Variants in SEPTIN8 observed in about 807,000 individuals in gnomAD.
SEPTIN8 encodes the protein septin-8.
Under a neutral mutation model 53.1 loss-of-function variants are expected in SEPTIN8, and 22 were observed. The ratio of observed to expected loss-of-function variants is 0.41; its 90% CI spans 0.30 to 0.59. SEPTIN8 has a LOEUF of 0.59. Ranked by LOEUF, SEPTIN8 falls within the 20% of genes least tolerant of loss-of-function variation. The pLI, the probability that SEPTIN8 is intolerant of heterozygous loss-of-function variation, is 0.24. For missense variants in SEPTIN8, 536 were observed against 638.7 expected (o/e 0.84, Z 1.73); for synonymous variants, 228 against 248.4 (o/e 0.92, Z 0.77).
chr5:132,775,754 T>C (rs1386702388), intron 1 of SEPTIN8: 1 of 152,352 alleles, frequency 6.6e-6, no homozygotes, highest in East Asian at 1.9e-4. Flanking sequence ...GGCCTCCAGC[T>C]AATCAGCAGG....
At chr5:132,762,712 C>T in intron 4 of SEPTIN8, 67 bp from the exon 5 acceptor site, 1 of 1,540,402 alleles carries the variant, frequency 6.5e-7, no homozygotes, top group Non-Finnish European at 9.0e-7. Flanking sequence ...CCATGCCATG[C>T]CCAGGATATG....
At chr5:132,777,496 C>T (rs183733882), upstream of SEPTIN8, 185 of 967,736 alleles carry the variant, frequency 1.9e-4, no homozygotes, top group African/African-American at 2.9e-3. The surrounding 1 kb of genome is among the most constrained non-coding windows in gnomAD (Gnocchi z 4.1). Context: ...GGCTGGTGCC[C>T]GGCGGGCCTC....
At chr5:132,777,312 C>CCCCCGCCCGCGGGACCGGCCT, upstream of SEPTIN8, 1 of 1,081,090 alleles carries the variant, frequency 9.2e-7, no homozygotes, top group South Asian at 4.5e-5. The surrounding 1 kb of genome is among the most constrained non-coding windows in gnomAD (Gnocchi z 4.1). Context: ...GCCGCCCCTG[C>CCCCCGCCCGCGGGACCGGCCT]CCCCGCCCGC....
upstream of SEPTIN8, chr5:132,777,788 C>T (rs1190776915): frequency 1.8e-5 from 18 of 985,330 alleles, no homozygotes; most frequent in Non-Finnish European, 2.0e-5. The surrounding 1 kb of genome is among the most constrained non-coding windows in gnomAD (Gnocchi z 4.1). Context: ...AAGGCGGGAA[C>T]CCCGGCGGGA....
At chr5:132,756,285 C>G (rs1434878582) in intron 9 of SEPTIN8, 1 of 985,096 alleles carries the variant, frequency 1.0e-6, no homozygotes, top group Non-Finnish European at 1.2e-6. Flanking sequence ...GAACATATTT[C>G]CACATCGGCC....
chr5:132,772,880 G>GC (rs1006222847), intron 1 of SEPTIN8, among the ~76,000 whole-genome samples: 1 of 152,168 alleles, frequency 6.6e-6, no homozygotes, highest in Non-Finnish European at 1.5e-5. Context: ...AAGCCCTGGA[G>GC]CCCCCTCAGA....
At chr5:132,758,476 G>A (rs775788652) in intron 9 of SEPTIN8, 14 of 1,609,710 alleles carry the variant, frequency 8.7e-6, no homozygotes, top group Admixed American at 1.7e-5. Context: ...CTAGCATCCC[G>A]GCTGGGGCCT....
chr5:132,765,615 C>T (rs981590377), intron 1 of SEPTIN8, 86 bp from the exon 2 acceptor site: 2 of 1,444,222 alleles, frequency 1.4e-6, no homozygotes, highest in Admixed American at 2.3e-5. Flanking sequence ...TGAGTTAAAA[C>T]AGTGAAGCAG....
Position 132,763,762 on chromosome 5 carries a change from T to C in SEPTIN8, c.478A>G (p.Thr160Ala). ...IHVCLYFITP[T>A]GHSLKSLDLV... ...TCTAGAGACTTCAGGGAGTGCCCTGTGGGCGTGATGAAGTAGAGGCAAACG... is the reference window on the plus strand; with the variant it reads ...TCTAGAGACTTCAGGGAGTGCCCTGCGGGCGTGATGAAGTAGAGGCAAACG... Residue 160 changes from threonine (T) to alanine (A), a missense_variant, in exon 4 of 10, where the codon ACA becomes GCA. Thr to Ala is a moderately conservative substitution (Grantham distance 58, BLOSUM62 0). Transcript: ENST00000378719. 1.2e-6 allele frequency: 2 copies of C among 1,614,166 alleles called. No homozygotes were observed. Among genetic ancestry groups the C allele is most frequent in the Non-Finnish European group, 1.7e-6 (2 of 1,180,000 alleles).
At chr5:132,769,982 CATATATATATATAT>C (rs1164726534) in intron 1 of SEPTIN8, among the ~76,000 whole-genome samples, 82 of 55,342 alleles carry the variant, frequency 1.5e-3, no homozygotes, top group East Asian at 0.013. Context: ...TCTATATATA[CATATATATATATAT>C]ATATATATAT....
intron 1 of SEPTIN8, among the ~76,000 whole-genome samples, chr5:132,770,570 T>C (rs1394865569): frequency 1.3e-5 from 2 of 152,142 alleles, no homozygotes; most frequent in African/African-American, 4.8e-5. Context: ...CAATACAACA[T>C]GTCAGGGGGC....
At chr5:132,770,123 ATG>A (rs1554115615) in intron 1 of SEPTIN8, among the ~76,000 whole-genome samples, 13 of 90,818 alleles carry the variant, frequency 1.4e-4, no homozygotes, top group Admixed American at 3.4e-4. Flanking sequence ...ATATATATAT[ATG>A]TATATATGTG....
In SEPTIN8 at chr5:132,776,440, AGCCCAAATAAAC is replaced by A. The variant is rs1181575200; in HGVS notation, c.30+656_30+667del. Among the ~76,000 whole-genome samples the A allele has an allele frequency of 1.3e-5, 2 of 152,192 alleles. No individual in the cohort carries two copies. Among genetic ancestry groups the A allele is most frequent in the Non-Finnish European group, 2.9e-5 (2 of 68,036 alleles). ...TCAACCTTCTGAGGACCTGGACTGG[AGCCCAAATAAAC>A]GCCCACTGGGCTGAGTCTGGAATCC... On this transcript the variant is annotated intron_variant, in intron 1 of 9. Coordinates refer to ENST00000378719, the MANE Select transcript of SEPTIN8 (RefSeq NM_001098811.2). This position sits in a 1 kb window ranked among gnomAD's most constrained non-coding sequence, Gnocchi z 4.4.
Position 132,751,826 on chromosome 5 carries a change from C to A in SEPTIN8, c.*190G>T, listed in dbSNP as rs1754867521. 3.8e-6 allele frequency: 4 copies of A among 1,040,140 alleles called. No individual in the cohort carries two copies. Among genetic ancestry groups the A allele is most frequent in the Non-Finnish European group, 5.5e-6 (4 of 724,508 alleles). 64.4% of individuals were successfully genotyped at this position (1,040,140 alleles called of 1,614,324 possible). On this transcript the variant is annotated 3_prime_UTR_variant, in exon 10 of 10. Coordinates refer to ENST00000378719, the MANE Select transcript of SEPTIN8 (RefSeq NM_001098811.2). Reference sequence around the variant, plus strand: ...TGGGCATTAAGCCTCAAGCCCCTTACGGAGCCATGGATAGGAATGAAAAGG... The same window carrying A: ...TGGGCATTAAGCCTCAAGCCCCTTAAGGAGCCATGGATAGGAATGAAAAGG...
Position 132,751,927 on chromosome 5 carries a change from G to A in SEPTIN8, c.*89C>T, listed in dbSNP as rs1424100721. The stretch of plus-strand genomic sequence containing the variant: ...TTGATCATTGATATAGGAAAAGTAT[G>A]GCGTTTTCTGTTCTAACATTAAAAA... On this transcript the variant is annotated 3_prime_UTR_variant, in exon 10 of 10. Coordinates refer to ENST00000378719, the MANE Select transcript of SEPTIN8 (RefSeq NM_001098811.2). 6.4e-7 allele frequency: 1 copy of A among 1,562,540 alleles called. No individual in the cohort carries two copies. The highest frequency in any genetic ancestry group is 2.3e-5 in the East Asian group (1 of 42,818).
At chr5:132,777,330 G>A (rs1250652273), upstream of SEPTIN8, 5 of 1,066,426 alleles carry the variant, frequency 4.7e-6, no homozygotes, top group East Asian at 6.6e-5. The surrounding 1 kb of genome is among the most constrained non-coding windows in gnomAD (Gnocchi z 4.1). Flanking sequence ...CGCGGGACCG[G>A]CCTCCCCGCC....
chr5:132,774,311 T>C (rs1226082566), intron 1 of SEPTIN8: 1 of 163,104 alleles, frequency 6.1e-6, no homozygotes, highest in Non-Finnish European at 1.5e-5. Flanking sequence ...TCAGCTTCAC[T>C]TTCCCCAAGC....
In SEPTIN8 at chr5:132,763,610, C is replaced by G. The variant is rs1581164000; in HGVS notation, c.534+96G>C. 8 of 1,194,058 alleles carry G rather than the reference C, an allele frequency of 6.7e-6. No individual in the cohort carries two copies. In the East Asian group the frequency reaches 9.4e-5, roughly 14 times the overall value. 74.0% of individuals were successfully genotyped at this position (1,194,058 alleles called of 1,614,324 possible). ...GCCACCCACAAGCCCCCGACCAGGT[C>G]CCTGAGGACCATGGTGTTCAGGCAT... On this transcript the variant is annotated intron_variant, in intron 4 of 9. Transcript: ENST00000378719.
In SEPTIN8 at chr5:132,764,214, C is replaced by T. The variant is rs200632388; in HGVS notation, c.347+10G>A. 2.3e-5 allele frequency: 37 copies of T among 1,604,578 alleles called. No homozygotes were observed. The highest frequency in any genetic ancestry group is 4.5e-5 in the East Asian group (2 of 44,770). ...GGAGGCTGGGTGGGGCCGCCCTTCCCGCCTCTTGCCTCTCATCCTTATTGA... is the reference window on the plus strand; with the variant it reads ...GGAGGCTGGGTGGGGCCGCCCTTCCTGCCTCTTGCCTCTCATCCTTATTGA... On this transcript the variant is annotated intron_variant, in intron 3 of 9. Coordinates refer to ENST00000378719, the MANE Select transcript of SEPTIN8 (RefSeq NM_001098811.2).
Sources: allele counts gnomAD v4.1 joint callset (sites outside exome capture counted in the v4.1 genomes callset), GRCh38; gene constraint gnomAD v4.1.1; non-coding constraint Gnocchi (gnomAD v3.1); transcripts MANE v1.5; gene names NCBI Gene and HGNC (gene_info 2026-07-23, HGNC 2026-07-21).